TRAT1: variants seen among roughly 807,000 people sequenced by gnomAD.
TRAT1 encodes the protein T cell receptor associated transmembrane adaptor 1.
In TRAT1, 20 loss-of-function variants were observed where a neutral mutation model predicts 20.0. The ratio of observed to expected loss-of-function variants is 1.00; its 90% CI spans 0.70 to 1.45. TRAT1 has a LOEUF of 1.45. TRAT1 is among the 40% of genes most tolerant of loss of function. The probability of loss-of-function intolerance (pLI) is 0.00; values close to 1 mark genes in which losing one functional copy is unlikely to be tolerated. For missense variants in TRAT1, 237 were observed against 224.1 expected (o/e 1.06, Z -0.37); for synonymous variants, 77 against 74.2 (o/e 1.04, Z -0.20).
At chr3:108,829,417 C>T (rs1945770278) in intron 1 of TRAT1, among the ~76,000 whole-genome samples, 1 of 152,016 alleles carries the variant, frequency 6.6e-6, no homozygotes. Context: ...AACCCTGTCT[C>T]TACTAAAAAC....
chr3:108,849,845 C>T (rs1244572586), intron 5 of TRAT1, among the ~76,000 whole-genome samples: 1 of 152,098 alleles, frequency 6.6e-6, no homozygotes, highest in Admixed American at 6.5e-5. Flanking sequence ...TTCTCTTTTT[C>T]CTACCACAAT....
chr3:108,836,208 G>A (rs763712811), intron 2 of TRAT1, among the ~76,000 whole-genome samples: 24 of 152,206 alleles, frequency 1.6e-4, no homozygotes, highest in Non-Finnish European at 2.8e-4. Context: ...ATGAGCCACC[G>A]TGCCCGGCCA....
chr3:108,830,353 ATGT>A (rs1945781709), intron 1 of TRAT1, among the ~76,000 whole-genome samples: 1 of 152,190 alleles, frequency 6.6e-6, no homozygotes, highest in Non-Finnish European at 1.5e-5. Context: ...GGTAATTTGA[ATGT>A]TGTTGATTTT....
In TRAT1 at chr3:108,851,201, G is replaced by C. The variant is rs554420021; in HGVS notation, c.303+1947G>C. ...AAGGAACTAGGATATTATGCATAAA[G>C]CTTGATAGACAAAGTGTTTCTTCGT... On this transcript the variant is annotated intron_variant, in intron 5 of 5. Coordinates refer to ENST00000295756, the MANE Select transcript of TRAT1 (RefSeq NM_016388.4). Among the ~76,000 whole-genome samples the C allele has an allele frequency of 2.6e-5, 4 of 152,288 alleles. No homozygotes were observed. In the South Asian group the frequency reaches 8.3e-4, roughly 32 times the overall value.
intron 3 of TRAT1, among the ~76,000 whole-genome samples, chr3:108,844,768 C>T (rs963391769): frequency 4.5e-5 from 6 of 133,028 alleles, no homozygotes; most frequent in African/African-American, 1.2e-4. Context: ...GACGTGAATC[C>T]GGGAGGCGGA....
rs57972201 is a variant in TRAT1 at position 108,853,686 on chromosome 3, C to T, written c.370C>T (p.Pro124Ser). The T allele has an allele frequency of 8.5e-4, 1,378 of 1,614,034 alleles. 19 individuals are homozygous for T. The highest frequency in any genetic ancestry group is 1.5e-4 in the Non-Finnish European group (178 of 1,179,982). The change falls in exon 6 of 6, where the codon CCC (proline) becomes TCC (serine). Residue 124 changes from proline to serine, a missense_variant. Transcript: ENST00000295756. ...DHSVKGKRRKPRKQNTHFSDK... is the reference protein window; with the variant it reads ...DHSVKGKRRKSRKQNTHFSDK... ...CAGCGTTAAGGGGAAGCGTAGAAAGCCCAGGAAACAGAATACTCATTTCTC... is the reference window on the plus strand; with the variant it reads ...CAGCGTTAAGGGGAAGCGTAGAAAGTCCAGGAAACAGAATACTCATTTCTC...
intron 3 of TRAT1, among the ~76,000 whole-genome samples, chr3:108,841,268 A>T (rs1482623134): frequency 6.6e-6 from 1 of 152,232 alleles, no homozygotes; most frequent in Non-Finnish European, 1.5e-5. Flanking sequence ...AGTTAGGCAA[A>T]ATTTGAATAT....
Position 108,853,941 on chromosome 3 carries a change from GCA to G in TRAT1, c.*67_*68del. The G allele has an allele frequency of 6.6e-7, 1 of 1,520,826 alleles. No homozygotes were observed. Among genetic ancestry groups the G allele is most frequent in the Non-Finnish European group, 9.0e-7 (1 of 1,106,414 alleles). 94.2% of individuals were successfully genotyped at this position (1,520,826 alleles called of 1,614,324 possible). On this transcript the variant is annotated 3_prime_UTR_variant, in exon 6 of 6. Transcript: ENST00000295756. ...AAGATGGCTTCTAAGAAAACAAGAT[GCA>G]CAGAGGACACAGAAGGACTTGGCAG...
In TRAT1 at chr3:108,822,963, A is replaced by G. The variant is rs761323630; in HGVS notation, c.7+29A>G. Reference sequence around the variant, plus strand: ...AGTGGCATTTTAAACTTTTTGTTCCATTTGTGTGTCTAAAAATTCACTTAA... The same window carrying G: ...AGTGGCATTTTAAACTTTTTGTTCCGTTTGTGTGTCTAAAAATTCACTTAA... On this transcript the variant is annotated intron_variant, in intron 1 of 5. Transcript: ENST00000295756. 1.0e-5 allele frequency: 16 copies of G among 1,606,264 alleles called. No homozygotes were observed. In the South Asian group the frequency reaches 1.3e-4, roughly 13 times the overall value.
chr3:108,825,484 CT>C (rs1485914921), intron 1 of TRAT1, among the ~76,000 whole-genome samples: 1 of 152,050 alleles, frequency 6.6e-6, no homozygotes, highest in African/African-American at 2.4e-5. Context: ...GCCTCATCAC[CT>C]TTTGAGGACA....
chr3:108,846,723 T>C (rs1399643802), intron 3 of TRAT1, among the ~76,000 whole-genome samples: 1 of 152,226 alleles, frequency 6.6e-6, no homozygotes, highest in African/African-American at 2.4e-5. Flanking sequence ...ATAAGGAGGA[T>C]GATATAGTAC....
At chr3:108,844,652 G>A (rs1227875616) in intron 3 of TRAT1, among the ~76,000 whole-genome samples, 1 of 151,460 alleles carries the variant, frequency 6.6e-6, no homozygotes, top group East Asian at 1.9e-4. Flanking sequence ...AGACTATCCT[G>A]GCTAACACGG....
At chr3:108,833,047 C>A (rs763878234) in intron 2 of TRAT1, among the ~76,000 whole-genome samples, 6 of 152,142 alleles carry the variant, frequency 3.9e-5, no homozygotes, top group Non-Finnish European at 5.9e-5. Context: ...TACCTTTTTG[C>A]CTCCATGCAA....
Position 108,834,261 on chromosome 3 carries a change from G to T in TRAT1, c.118+3481G>T, listed in dbSNP as rs541332801. On this transcript the variant is annotated intron_variant, in intron 2 of 5. Transcript: ENST00000295756. The stretch of plus-strand genomic sequence containing the variant: ...TTGAGCAGTAATGTACCCTCATTAG[G>T]TGGAGCATACACTGGAACTTGCATT... Among the ~76,000 whole-genome samples, 7 of 152,240 alleles carry T rather than the reference G, an allele frequency of 4.6e-5. No individual in the cohort carries two copies. The East Asian group carries it at 1.3e-3, about 29-fold the overall frequency.
At chr3:108,833,890 C>A (rs1305503831) in intron 2 of TRAT1, among the ~76,000 whole-genome samples, 1 of 152,040 alleles carries the variant, frequency 6.6e-6, no homozygotes, top group Non-Finnish European at 1.5e-5. Context: ...CAGCCCATCA[C>A]CATACCTAGT....
chr3:108,849,736 T>C (rs1945981329), intron 5 of TRAT1, among the ~76,000 whole-genome samples: 1 of 152,208 alleles, frequency 6.6e-6, no homozygotes, highest in Non-Finnish European at 1.5e-5. Flanking sequence ...GGCTGTGGTC[T>C]TATGGCAAGA....
Position 108,845,251 on chromosome 3 carries a change from G to C in TRAT1, c.153-1817G>C, listed in dbSNP as rs961305635. Among the ~76,000 whole-genome samples, 9 of 152,258 alleles carry C rather than the reference G, an allele frequency of 5.9e-5. No homozygotes were observed. The East Asian group carries it at 1.7e-3, about 29-fold the overall frequency. On this transcript the variant is annotated intron_variant, in intron 3 of 5. Coordinates refer to ENST00000295756, the MANE Select transcript of TRAT1 (RefSeq NM_016388.4). Reference sequence around the variant, plus strand: ...GTTTATTTGAGATGATTAATCATTTGAGATGGGCCTGTAGACACAGGACAC... The same window carrying C: ...GTTTATTTGAGATGATTAATCATTTCAGATGGGCCTGTAGACACAGGACAC...
chr3:108,830,818 G>A (rs1355076524), intron 2 of TRAT1, 38 bp downstream of exon 2: 1 of 1,318,008 alleles, frequency 7.6e-7, no homozygotes, highest in Non-Finnish European at 1.1e-6. Context: ...GTACCTGCTT[G>A]AATGGAGACT....
At chr3:108,836,233 G>A (rs1301273994) in intron 2 of TRAT1, among the ~76,000 whole-genome samples, 1 of 152,030 alleles carries the variant, frequency 6.6e-6, no homozygotes, top group Non-Finnish European at 1.5e-5. Flanking sequence ...TAGTTTTTAT[G>A]TGTTACACTA....
Sources: gnomAD v4.1 joint callset for allele counts (sites outside exome capture counted in the v4.1 genomes callset) on GRCh38, gnomAD v4.1.1 for gene constraint, MANE v1.5 for transcripts, NCBI Gene and HGNC (gene_info 2026-07-23, HGNC 2026-07-21) for gene names.